ECT2L: variants seen among roughly 807,000 people sequenced by gnomAD.
ECT2L encodes epithelial cell transforming 2 like.
Under a neutral mutation model 122.8 loss-of-function variants are expected in ECT2L, and 126 were observed. The observed-to-expected ratio is 1.03, with a 90% CI of 0.89 to 1.19. The LOEUF (loss-of-function observed/expected upper bound fraction) is 1.19. ECT2L is among the 50% of genes most tolerant of loss of function. ECT2L has a pLI of 0.00. For missense variants in ECT2L, 1,012 were observed against 1,064.1 expected, an observed-to-expected ratio of 0.95 and a Z score of 0.68; for synonymous variants, 385 against 381.8, an observed-to-expected ratio of 1.01 and a Z score of -0.10.
intron 1 of ECT2L, among the ~76,000 whole-genome samples, chr6:138,803,016 C>T (rs558104587): frequency 1.3e-5 from 2 of 151,648 alleles, no homozygotes; most frequent in African/African-American, 4.8e-5. Flanking sequence ...GCAGACATTG[C>T]AGTGAGCCGA....
intron 20 of ECT2L, among the ~76,000 whole-genome samples, chr6:138,899,562 G>A (rs1779326904): frequency 6.6e-6 from 1 of 152,088 alleles, no homozygotes. Context: ...GAAAAGTAGA[G>A]GGGAAAGAGG....
chr6:138,865,337 C>T (rs1410692307), intron 12 of ECT2L, among the ~76,000 whole-genome samples, 159 bp downstream of exon 12: 2 of 152,138 alleles, frequency 1.3e-5, no homozygotes, highest in African/African-American at 2.4e-5. Flanking sequence ...TCAAATATAA[C>T]GAACAACCAC....
At chr6:138,855,583 T>G (rs1425920523) in intron 10 of ECT2L, among the ~76,000 whole-genome samples, 1 of 152,206 alleles carries the variant, frequency 6.6e-6, no homozygotes, top group Non-Finnish European at 1.5e-5. Flanking sequence ...TATTTCTAGA[T>G]GTGTTTTATA....
At chr6:138,879,003 T>G (rs775720928) in intron 14 of ECT2L, 2 of 162,212 alleles carry the variant, frequency 1.2e-5, no homozygotes, top group Non-Finnish European at 2.7e-5. Context: ...AGTCTTGGTC[T>G]GTAAGAATAG....
Position 138,885,734 on chromosome 6 carries a change from C to T in ECT2L, c.2163C>T (p.Tyr721=), listed in dbSNP as rs192685430. The change falls in exon 18 of 22, where the codon TAC becomes TAT. Residue 721 remains tyrosine (Y), a synonymous_variant. Transcript: ENST00000541398. The part of the protein sequence containing the change: ...RRFEEYLNLL[Y]AVRLHTPAEH... Reference sequence around the variant, plus strand: ...TTGAAGAATACCTTAATCTTCTCTACGCTGTCAGGCTTCATACCCCTGCAG... The same window carrying T: ...TTGAAGAATACCTTAATCTTCTCTATGCTGTCAGGCTTCATACCCCTGCAG... The T allele has an allele frequency of 6.1e-5, 99 of 1,614,164 alleles. No individual in the cohort carries two copies. Among genetic ancestry groups the T allele is most frequent in the Admixed American group, 1.5e-4 (9 of 60,022 alleles).
At chr6:138,881,322 AC>A in intron 15 of ECT2L, 151 bp downstream of exon 15, 1 of 764,358 alleles carries the variant, frequency 1.3e-6, no homozygotes, top group Non-Finnish European at 2.1e-6. Flanking sequence ...CACATTACCT[AC>A]CGGGCTGCAA....
intron 1 of ECT2L, among the ~76,000 whole-genome samples, chr6:138,809,959 A>G (rs17795656): frequency 0.014 from 2,073 of 152,324 alleles, 15 homozygotes; most frequent in Non-Finnish European, 0.021. Context: ...AAAGATGGCA[A>G]TCTATGTGAT....
chr6:138,819,660 C>G (rs547708509), intron 4 of ECT2L, among the ~76,000 whole-genome samples: 1 of 152,030 alleles, frequency 6.6e-6, no homozygotes, highest in South Asian at 2.1e-4. Flanking sequence ...AAAAGATAAT[C>G]AGAAAAAAAT....
At chr6:138,849,656 C>A (rs1462233218) in intron 9 of ECT2L, among the ~76,000 whole-genome samples, 1 of 150,622 alleles carries the variant, frequency 6.6e-6, no homozygotes, top group Non-Finnish European at 1.5e-5. Context: ...GCAGCCTGGA[C>A]TTCCCAGGCT....
rs1388316077 is a variant in ECT2L, at chr6:138,896,801, C to A, written c.2415-4147C>A. On this transcript the variant is annotated intron_variant, in intron 20 of 21. Coordinates refer to ENST00000541398, the MANE Select transcript of ECT2L (RefSeq NM_001077706.3). ...TAGCTGGGACTATAGGTGTGCACCA[C>A]CACACCTGGCTCATTTTTGTATTTT... Among the ~76,000 whole-genome samples the A allele has an allele frequency of 1.2e-4, 18 of 152,250 alleles. No individual in the cohort carries two copies. In the South Asian group the frequency reaches 3.7e-3, roughly 32 times the overall value.
intron 10 of ECT2L, 35 bp from the exon 11 acceptor site, chr6:138,862,592 T>G: frequency 2.5e-6 from 4 of 1,580,046 alleles, no homozygotes; most frequent in South Asian, 1.1e-5. Context: ...GCAAAATATA[T>G]GAGGAAACTA....
intron 12 of ECT2L, among the ~76,000 whole-genome samples, chr6:138,866,735 G>A (rs530640261): frequency 3.3e-5 from 5 of 152,282 alleles, no homozygotes; most frequent in Admixed American, 2.6e-4. Flanking sequence ...AAAGATGTCC[G>A]TGTATGTATG....
intron 4 of ECT2L, among the ~76,000 whole-genome samples, chr6:138,829,203 C>T (rs1562461768): frequency 6.6e-6 from 1 of 151,992 alleles, no homozygotes; most frequent in Non-Finnish European, 1.5e-5. Context: ...AAACCTTCTG[C>T]GCTCGTCTTG....
intron 12 of ECT2L, among the ~76,000 whole-genome samples, chr6:138,866,252 A>T (rs1778033934): frequency 6.7e-6 from 1 of 149,304 alleles, no homozygotes; most frequent in African/African-American, 2.5e-5. Flanking sequence ...AGTTCAAGGG[A>T]TTCTCCTCCC....
intron 20 of ECT2L, among the ~76,000 whole-genome samples, chr6:138,891,012 G>A (rs574078233): frequency 2.4e-4 from 37 of 152,028 alleles, no homozygotes; most frequent in Non-Finnish European, 4.7e-4. Flanking sequence ...TCCTCCTCTC[G>A]GCCAAGGGGA....
intron 20 of ECT2L, among the ~76,000 whole-genome samples, chr6:138,896,829 G>T (rs556077246): frequency 1.3e-5 from 2 of 152,172 alleles, no homozygotes; most frequent in African/African-American, 4.8e-5. Context: ...TGTATTTTTA[G>T]TAGAGACGGG....
intron 4 of ECT2L, among the ~76,000 whole-genome samples, chr6:138,820,328 C>T (rs538378248): frequency 6.6e-6 from 1 of 152,286 alleles, no homozygotes; most frequent in Admixed American, 6.5e-5. Context: ...TGAGGATGAA[C>T]GTCTTTTCTT....
In ECT2L at chr6:138,895,577, TTTTC is replaced by T. The variant is rs1479962201; in HGVS notation, c.2415-5367_2415-5364del. ...AATTACTAAACATATATATATATAT[TTTTC>T]TTTTTCTGAGACAGAGTCTCGTTCT... is the stretch of plus-strand genomic sequence containing the variant. On this transcript the variant is annotated intron_variant, in intron 20 of 21. Coordinates refer to ENST00000541398, the MANE Select transcript of ECT2L (RefSeq NM_001077706.3). Among the ~76,000 whole-genome samples, 5 of 150,168 alleles carry T rather than the reference TTTTC, an allele frequency of 3.3e-5. No homozygotes were observed. The East Asian group carries it at 9.9e-4, about 30-fold the overall frequency.
intron 20 of ECT2L, among the ~76,000 whole-genome samples, chr6:138,894,041 C>T (rs1224100826): frequency 6.6e-6 from 1 of 152,124 alleles, no homozygotes; most frequent in East Asian, 1.9e-4. Context: ...GAATTACCAA[C>T]TTCCAAGCTC....
Sources: allele counts gnomAD v4.1 joint callset (sites outside exome capture counted in the v4.1 genomes callset), GRCh38; gene constraint gnomAD v4.1.1; transcripts MANE v1.5; gene names NCBI Gene and HGNC (gene_info 2026-07-23, HGNC 2026-07-21).